CEP135: variants seen among roughly 807,000 people sequenced by gnomAD.
The protein encoded by CEP135 is centrosomal protein of 135 kDa.
CEP135 carries 142 observed loss-of-function variants against 157.3 expected under a neutral mutation model. That is an observed-to-expected ratio of 0.90 (90% CI 0.79 to 1.04). The LOEUF (loss-of-function observed/expected upper bound fraction) is 1.04, where lower values mean the gene tolerates loss of function less well. Ranked by LOEUF, CEP135 falls within the 50% of genes least tolerant of loss-of-function variation. The pLI is 0.00. For synonymous variants in CEP135, 396 were observed against 439.8 expected, an observed-to-expected ratio of 0.90 and a Z score of 1.25; for missense variants, 1,317 against 1,309.2, an observed-to-expected ratio of 1.01 and a Z score of -0.09.
At chr4:56,015,570 T>C (rs1730744192) in intron 21 of CEP135, among the ~76,000 whole-genome samples, 1 of 152,248 alleles carries the variant, frequency 6.6e-6, no homozygotes, top group Non-Finnish European at 1.5e-5. Flanking sequence ...TTTTGGGTTT[T>C]GAAATCTAAT....
In CEP135 at chr4:56,024,526, C is replaced by T. The variant is rs953311582; in HGVS notation, c.3346C>T (p.Arg1116Ter). The T allele has an allele frequency of 1.1e-5, 18 of 1,613,604 alleles. No homozygotes were observed. The highest frequency in any genetic ancestry group is 2.7e-5 in the African/African-American group (2 of 74,888). ...ERERAIQEMR[R>*]HGLATPPLSS... The stretch of plus-strand genomic sequence containing the variant: ...AGAACGAGCAATCCAAGAGATGCGT[C>T]GACATGGTCTTGCTACACCACCCCT... The change falls in exon 25 of 26, where the codon CGA (arginine) becomes TGA (stop). Residue 1116 changes from arginine (R) to a stop codon, truncating the protein, a stop_gained. Coordinates refer to ENST00000257287, the MANE Select transcript of CEP135 (RefSeq NM_025009.5). LOFTEE classifies it high-confidence loss of function.
chr4:55,959,829 A>ACCCAATTCTAT, intron 6 of CEP135, 63 bp downstream of exon 6: 1 of 1,269,536 alleles, frequency 7.9e-7, no homozygotes, highest in South Asian at 1.2e-5. Context: ...TGTAAATAGA[A>ACCCAATTCTAT]TTGGGTTATA....
intron 17 of CEP135, among the ~76,000 whole-genome samples, chr4:56,003,505 G>A (rs2109719807): frequency 6.6e-6 from 1 of 152,258 alleles, no homozygotes; most frequent in South Asian, 2.1e-4. Context: ...ACTGTGCCTG[G>A]CTGATCTTTT....
intron 15 of CEP135, among the ~76,000 whole-genome samples, chr4:55,996,245 T>A (rs1729965289): frequency 6.7e-6 from 1 of 149,294 alleles, no homozygotes; most frequent in African/African-American, 2.4e-5. Context: ...CTCAGCCTCC[T>A]GAGTAGCTGG....
chr4:55,992,046 G>C lies in CEP135; in HGVS notation c.1970G>C (p.Gly657Ala). 1.9e-6 allele frequency: 3 copies of C among 1,607,142 alleles called. No homozygotes were observed. Among genetic ancestry groups the C allele is most frequent in the Non-Finnish European group, 8.5e-7 (1 of 1,178,050 alleles). ...GCTCAAAAATTTAGCCATGTGGCTG[G>C]TGACTCATCTCATCAGAAAACAGAG... ...VQAQKFSHVA[G>A]DSSHQKTEVN... The change falls in exon 15 of 26, where the codon GGT (glycine) becomes GCT (alanine). Residue 657 changes from glycine to alanine, a missense_variant. Physicochemically the swap from Gly to Ala is moderately conservative, Grantham distance 60. Transcript: ENST00000257287.
chr4:55,998,057 A>G (rs1204970369), intron 15 of CEP135, among the ~76,000 whole-genome samples: 2 of 152,206 alleles, frequency 1.3e-5, no homozygotes, highest in Non-Finnish European at 2.9e-5. Flanking sequence ...GTCTTTCAGA[A>G]TACCTCAATA....
At position 55,952,103 on chromosome 4, in the gene CEP135, G is replaced by A; in HGVS notation, c.-28G>A. ...TCTCTCAGGACTTTAATTTTTGGAA[G>A]TGAATAAAACTTGTTTTAGAAGACG... is the stretch of plus-strand genomic sequence containing the variant. On this transcript the variant is annotated 5_prime_UTR_variant, in exon 2 of 26. In the 5' UTR this introduces an upstream ATG that the reference lacks. Transcript: ENST00000257287. 2.5e-6 allele frequency: 3 copies of A among 1,182,986 alleles called. No individual in the cohort carries two copies. The highest frequency in any genetic ancestry group is 3.7e-6 in the Non-Finnish European group (3 of 811,300). The allele number at this position is 1,182,986 out of a possible 1,614,324, so 73.3% of individuals were successfully genotyped here. A position where few individuals can be genotyped will look rare whatever the true frequency, so the allele number is the denominator to read the frequency against.
intron 5 of CEP135, among the ~76,000 whole-genome samples, chr4:55,959,145 A>G (rs992100198): frequency 6.6e-6 from 1 of 152,184 alleles, no homozygotes. Flanking sequence ...AAAATGGATT[A>G]ATTATGTCAT....
intron 22 of CEP135, among the ~76,000 whole-genome samples, 155 bp downstream of exon 22, chr4:56,018,012 G>A (rs1302460408): frequency 6.6e-6 from 1 of 151,784 alleles, no homozygotes; most frequent in East Asian, 1.9e-4. Flanking sequence ...TTAGGCTGGT[G>A]GAGTTCAGTG....
chr4:56,008,606 T>G (rs1396806449), intron 18 of CEP135, among the ~76,000 whole-genome samples: 1 of 152,190 alleles, frequency 6.6e-6, no homozygotes, highest in Non-Finnish European at 1.5e-5. Context: ...TTAACTATTC[T>G]CCTATATACC....
At chr4:56,020,210 T>A (rs1022292326) in intron 23 of CEP135, among the ~76,000 whole-genome samples, 4 of 152,112 alleles carry the variant, frequency 2.6e-5, no homozygotes, top group African/African-American at 9.7e-5. Flanking sequence ...GGCTATGAGA[T>A]TTGACCCACA....
intron 25 of CEP135, among the ~76,000 whole-genome samples, chr4:56,029,484 A>G (rs1314808659): frequency 4.6e-5 from 7 of 152,196 alleles, no homozygotes; most frequent in Non-Finnish European, 1.5e-5. Flanking sequence ...GGAGATTACA[A>G]GGAGCTGTGG....
chr4:55,981,300 T>G lies in CEP135; in HGVS notation c.1700T>G (p.Met567Arg), dbSNP rs781247883. The G allele has an allele frequency of 5.6e-6, 9 of 1,597,972 alleles. No homozygotes were observed. In the South Asian group the frequency reaches 1.0e-4, roughly 18 times the overall value. ...TTAPHNIVSLMEKEKELALSD... is the reference protein window; with the variant it reads ...TTAPHNIVSLREKEKELALSD... ...GCACCCCATAATATTGTTAGTCTTA[T>G]GGAAAAGGAAAAAGAACTTGCGTTA... Residue 567 changes from methionine (M) to arginine (R), a missense_variant, in exon 13 of 26, where the codon ATG (methionine) becomes AGG (arginine). Transcript: ENST00000257287.
intron 9 of CEP135, among the ~76,000 whole-genome samples, chr4:55,969,415 G>A (rs1193267841): frequency 3.7e-5 from 5 of 136,706 alleles, no homozygotes; most frequent in African/African-American, 1.1e-4. Context: ...CAACAAGAGC[G>A]AAACTCCATC....
intron 18 of CEP135, 108 bp from the exon 19 acceptor site, chr4:56,009,627 A>T: frequency 1.1e-6 from 1 of 930,648 alleles, no homozygotes; most frequent in South Asian, 1.9e-5. Context: ...ATTTCTTATA[A>T]TCACAGTATA....
At chr4:55,951,590 C>T (rs1482815348) in intron 1 of CEP135, among the ~76,000 whole-genome samples, 1 of 152,140 alleles carries the variant, frequency 6.6e-6, no homozygotes, top group East Asian at 1.9e-4. Context: ...AATTAATGTT[C>T]TTATTGGGAT....
chr4:55,954,486 A>G, intron 4 of CEP135, 103 bp downstream of exon 4: 1 of 971,666 alleles, frequency 1.0e-6, no homozygotes, highest in Non-Finnish European at 1.5e-6. Flanking sequence ...TCATGCTTAG[A>G]CTTTAGTGTT....
At chr4:55,984,744 A>T (rs905871772) in intron 13 of CEP135, among the ~76,000 whole-genome samples, 34 of 152,374 alleles carry the variant, frequency 2.2e-4, no homozygotes, top group African/African-American at 7.9e-4. Flanking sequence ...TATATTGCTT[A>T]TCCTAGACTT....
intron 18 of CEP135, 52 bp from the exon 19 acceptor site, chr4:56,009,681 GAA>G (rs1730498494): frequency 6.7e-7 from 1 of 1,485,902 alleles, no homozygotes; most frequent in African/African-American, 1.4e-5. Flanking sequence ...TCTTTTAAAT[GAA>G]CTACAGTTTT....
Sources: gnomAD v4.1 joint callset for allele counts (sites outside exome capture counted in the v4.1 genomes callset) on GRCh38, gnomAD v4.1.1 for gene constraint, MANE v1.5 for transcripts, NCBI Gene and HGNC (gene_info 2026-07-23, HGNC 2026-07-21) for gene names.